RBFOX3: variants seen among roughly 807,000 people sequenced by gnomAD.
The protein encoded by RBFOX3 is RNA binding fox-1 homolog 3, also known as RNA binding protein fox-1 homolog 3.
In RBFOX3, 17 loss-of-function variants were observed where a neutral mutation model predicts 48.7. The observed-to-expected ratio is 0.35, with a 90% confidence interval of 0.24 to 0.52. The LOEUF (loss-of-function observed/expected upper bound fraction) is 0.52. RBFOX3 is among the 20% of genes least tolerant of loss of function. The pLI is 0.94. For synonymous variants in RBFOX3, 212 were observed against 209.5 expected, an observed-to-expected ratio of 1.01 and a Z score of -0.10; for missense variants, 382 against 497.5, an observed-to-expected ratio of 0.77 and a Z score of 2.21.
chr17:79,220,960 G>C lies in RBFOX3; in HGVS notation c.-34+14806C>G, dbSNP rs1037431897. On this transcript the variant is annotated intron_variant, in intron 4 of 14. Coordinates refer to ENST00000693108, the MANE Select transcript of RBFOX3 (RefSeq NM_001350451.2). This position sits in a 1 kb window ranked among gnomAD's most constrained non-coding sequence, Gnocchi z 5.9. ...GGGGCCACCGCCTGCAGGAGAGCCTGCATCTAACGTCTGTCCTGCCTCAGC... is the reference window on the plus strand; with the variant it reads ...GGGGCCACCGCCTGCAGGAGAGCCTCCATCTAACGTCTGTCCTGCCTCAGC... Among the ~76,000 whole-genome samples the C allele has an allele frequency of 6.6e-6, 1 of 152,194 alleles. No individual in the cohort carries two copies.
At chr17:79,564,296 G>C (rs2092371045) in intron 1 of RBFOX3, among the ~76,000 whole-genome samples, 1 of 152,168 alleles carries the variant, frequency 6.6e-6, no homozygotes. Context: ...GTTCCCAATA[G>C]CAGCAAACCC....
intron 2 of RBFOX3, among the ~76,000 whole-genome samples, chr17:79,323,961 G>A (rs2078940376): frequency 6.6e-6 from 1 of 152,214 alleles, no homozygotes; most frequent in African/African-American, 2.4e-5. Flanking sequence ...CCATTTCTAG[G>A]AGGAACAGCA....
At chr17:79,150,678 C>A (rs1428592241) in intron 4 of RBFOX3, among the ~76,000 whole-genome samples, 2 of 152,196 alleles carry the variant, frequency 1.3e-5, no homozygotes, top group African/African-American at 2.4e-5. Context: ...GCAACAGATT[C>A]ACCTCCCATC....
At chr17:79,192,268 A>G (rs535459398) in intron 4 of RBFOX3, among the ~76,000 whole-genome samples, 1 of 152,246 alleles carries the variant, frequency 6.6e-6, no homozygotes, top group African/African-American at 2.4e-5. Context: ...TGCTGCTCTT[A>G]GCCGCTCCCG....
At chr17:79,267,256 CTT>C (rs2066868779) in intron 3 of RBFOX3, among the ~76,000 whole-genome samples, 1 of 152,150 alleles carries the variant, frequency 6.6e-6, no homozygotes, top group East Asian at 1.9e-4. Flanking sequence ...GAGTCATACT[CTT>C]TGGCGGGTCG....
In RBFOX3 at chr17:79,516,819, C is replaced by T. The variant is rs950776027; in HGVS notation, c.-319-34221G>A. On this transcript the variant is annotated intron_variant, in intron 1 of 14. Coordinates refer to ENST00000693108, the MANE Select transcript of RBFOX3 (RefSeq NM_001350451.2). ...ATCCCTGCCCCAGGAAGAAAGGAAG[C>T]TCTGACACACGCTGCAATATGGATG... Among the ~76,000 whole-genome samples, 98 of 152,316 alleles carry T rather than the reference C, an allele frequency of 6.4e-4. 1 individual carries two copies. Among genetic ancestry groups the T allele is most frequent in the Middle Eastern group, 3.4e-3 (1 of 294 alleles).
intron 2 of RBFOX3, among the ~76,000 whole-genome samples, chr17:79,412,740 G>A (rs1334188811): frequency 1.3e-5 from 2 of 151,880 alleles, no homozygotes; most frequent in East Asian, 3.9e-4. Flanking sequence ...ATGTATAAAT[G>A]TGTGTGGTGT....
At chr17:79,551,612 C>T (rs2091168331) in intron 1 of RBFOX3, among the ~76,000 whole-genome samples, 1 of 151,974 alleles carries the variant, frequency 6.6e-6, no homozygotes, top group African/African-American at 2.4e-5. Context: ...TTGGTGCCAT[C>T]CTCCATTTGG....
At chr17:79,201,667 T>C (rs2056776251) in intron 4 of RBFOX3, among the ~76,000 whole-genome samples, 1 of 152,236 alleles carries the variant, frequency 6.6e-6, no homozygotes, top group African/African-American at 2.4e-5. Context: ...TCACATCTTC[T>C]GCAATCATAA....
chr17:79,257,380 T>C (rs533763012), intron 3 of RBFOX3, among the ~76,000 whole-genome samples: 79 of 152,296 alleles, frequency 5.2e-4, no homozygotes, highest in African/African-American at 1.9e-3. Flanking sequence ...TTCCCCAGAA[T>C]ACAAACCCGA....
intron 2 of RBFOX3, among the ~76,000 whole-genome samples, chr17:79,440,793 C>A (rs190848328): frequency 6.6e-6 from 1 of 152,076 alleles, no homozygotes; most frequent in Non-Finnish European, 1.5e-5. Flanking sequence ...GGCCCCCCTG[C>A]ACCCCCTCAT....
At chr17:79,604,510 G>C (rs1432858919) in intron 1 of RBFOX3, among the ~76,000 whole-genome samples, 1 of 152,182 alleles carries the variant, frequency 6.6e-6, no homozygotes, top group Non-Finnish European at 1.5e-5. Context: ...TGGGGAAGAA[G>C]AGGTCACCAG....
At chr17:79,327,858 G>A (rs2079573631) in intron 2 of RBFOX3, among the ~76,000 whole-genome samples, 1 of 152,134 alleles carries the variant, frequency 6.6e-6, no homozygotes, top group Non-Finnish European at 1.5e-5. Context: ...ACCACACCTG[G>A]CTAATTTTTG....
At chr17:79,598,390 GCA>G (rs1229567981) in intron 1 of RBFOX3, 97,276 of 151,148 alleles carry the variant, frequency 0.64, 31,322 homozygotes, top group East Asian at 0.8. Flanking sequence ...ACATGTGCGC[GCA>G]CACACACACA....
At chr17:79,557,860 G>A (rs36188233) in intron 1 of RBFOX3, among the ~76,000 whole-genome samples, 90,817 of 152,136 alleles carry the variant, frequency 0.6, 27,899 homozygotes, top group East Asian at 0.92. Context: ...GACAGGTCAC[G>A]AGCAAAACCT....
chr17:79,296,335 T>G (rs2074339890), intron 3 of RBFOX3, among the ~76,000 whole-genome samples: 1 of 151,534 alleles, frequency 6.6e-6, no homozygotes. Flanking sequence ...ACACAAAATC[T>G]GATTTTGATT....
rs1405984607 is a variant in RBFOX3, at chr17:79,314,963, T to C, written c.-174-7139A>G. ...GAACAAAGTGTTAGTTATTGTTAATTGCAGGTAGAGGAGGATAGATATTTA... is the reference window on the plus strand; with the variant it reads ...GAACAAAGTGTTAGTTATTGTTAATCGCAGGTAGAGGAGGATAGATATTTA... On this transcript the variant is annotated intron_variant, in intron 2 of 14. Coordinates refer to ENST00000693108, the MANE Select transcript of RBFOX3 (RefSeq NM_001350451.2). Among the ~76,000 whole-genome samples the C allele has an allele frequency of 2.0e-5, 3 of 152,114 alleles. No individual in the cohort carries two copies. In the East Asian group the frequency reaches 5.8e-4, roughly 29 times the overall value.
intron 2 of RBFOX3, among the ~76,000 whole-genome samples, chr17:79,424,604 C>A (rs1555724600): frequency 6.6e-6 from 1 of 152,154 alleles, no homozygotes; most frequent in Non-Finnish European, 1.5e-5. Flanking sequence ...CTAGGACCAC[C>A]CCCTCCCCCA....
the RBFOX3 span, among the ~76,000 whole-genome samples, chr17:79,624,472 G>A: frequency 6.6e-6 from 1 of 152,186 alleles, no homozygotes; most frequent in Non-Finnish European, 1.5e-5. Flanking sequence ...CAGAAAGACA[G>A]GGAGGAGCTC....
Sources: gnomAD v4.1 joint callset for allele counts (sites outside exome capture counted in the v4.1 genomes callset) on GRCh38, gnomAD v4.1.1 for gene constraint, Gnocchi (gnomAD v3.1) non-coding constraint, MANE v1.5 for transcripts, NCBI Gene and HGNC (gene_info 2026-07-23, HGNC 2026-07-21) for gene names.